EFCAB13: variants seen among roughly 807,000 people sequenced by gnomAD.
The protein encoded by EFCAB13 is EF-hand calcium-binding domain-containing protein 13.
Under a neutral mutation model 110.2 loss-of-function variants are expected in EFCAB13, and 91 were observed. The ratio of observed to expected loss-of-function variants is 0.83; its 90% CI spans 0.70 to 0.98. The LOEUF (loss-of-function observed/expected upper bound fraction) is 0.98. Ranked by LOEUF, EFCAB13 falls within the 50% of genes least tolerant of loss-of-function variation. EFCAB13 has a pLI of 0.00. For synonymous variants in EFCAB13, 323 were observed against 369.9 expected (o/e 0.87, Z 1.45); for missense variants, 968 against 1,119.4 (o/e 0.86, Z 1.93).
In EFCAB13 at chr17:47,370,764, G is replaced by A. The variant is rs867574309; in HGVS notation, c.877+256G>A. On this transcript the variant is annotated intron_variant, in intron 11 of 24. Coordinates refer to ENST00000331493, the MANE Select transcript of EFCAB13 (RefSeq NM_152347.5). ...TTTTTTTTTTTTTTTTTTTTGAGGC[G>A]GAGTTTTGCTCTTGTTGCCCAGGCT... is the stretch of plus-strand genomic sequence containing the variant. Among the ~76,000 whole-genome samples the A allele has an allele frequency of 1.1e-3, 151 of 143,030 alleles. No individual in the cohort carries two copies. In the Middle Eastern group the frequency reaches 0.023, roughly 21 times the overall value. The allele number at this position is 143,030 out of a possible 152,430, so 93.8% of individuals were successfully genotyped here.
At chr17:47,338,391 A>G (rs550854903) in intron 5 of EFCAB13, among the ~76,000 whole-genome samples, 1 of 152,074 alleles carries the variant, frequency 6.6e-6, no homozygotes, top group South Asian at 2.1e-4. Flanking sequence ...CTAGGATTGC[A>G]GGTGTGCACC....
At chr17:47,364,263 T>G (rs2065533109) in intron 10 of EFCAB13, among the ~76,000 whole-genome samples, 1 of 152,180 alleles carries the variant, frequency 6.6e-6, no homozygotes, top group African/African-American at 2.4e-5. Flanking sequence ...TAGATACATC[T>G]TTTTAAAAAC....
chr17:47,359,592 G>T (rs890685982), intron 9 of EFCAB13, among the ~76,000 whole-genome samples: 2 of 145,532 alleles, frequency 1.4e-5, no homozygotes, highest in Non-Finnish European at 3.0e-5. Context: ...AGTTGGACAC[G>T]GCTTTCAATC....
At chr17:47,387,513 A>G (rs996114478) in intron 14 of EFCAB13, among the ~76,000 whole-genome samples, 9 of 152,132 alleles carry the variant, frequency 5.9e-5, no homozygotes, top group Non-Finnish European at 1.5e-5. Flanking sequence ...CATATTTATA[A>G]TTGTTATATC....
At position 47,323,992 on chromosome 17, in the gene EFCAB13, A is replaced by C. The variant is rs1245257967; in HGVS notation, c.-400A>C. On this transcript the variant is annotated 5_prime_UTR_variant, in exon 1 of 25. Transcript: ENST00000331493. ...CCTGGGAAGGCTGCAGAGCTAGAGC[A>C]GCGCCGCCCGAGGGGCGGCAGGGGC... 1 of 152,262 alleles carries C rather than the reference A, an allele frequency of 6.6e-6. No individual in the cohort carries two copies. Among genetic ancestry groups the C allele is most frequent in the African/African-American group, 2.4e-5 (1 of 41,382 alleles). The allele number at this position is 152,262 out of a possible 1,614,324, so 9.4% of individuals were successfully genotyped here.
chr17:47,337,951 A>C (rs552723828), intron 5 of EFCAB13, among the ~76,000 whole-genome samples: 1 of 152,328 alleles, frequency 6.6e-6, no homozygotes, highest in African/African-American at 2.4e-5. Context: ...ATAATTGCTT[A>C]GCTCAAGGGG....
intron 24 of EFCAB13, among the ~76,000 whole-genome samples, chr17:47,435,521 T>TTTTTTG (rs1180443604): frequency 3.3e-5 from 5 of 152,052 alleles, no homozygotes; most frequent in African/African-American, 9.7e-5. Context: ...TTCCTAAGAT[T>TTTTTTG]TTTTTGTTTT....
chr17:47,374,983 G>A lies in EFCAB13; in HGVS notation c.1372+17G>A. 1.3e-6 allele frequency: 2 copies of A among 1,529,778 alleles called. No individual in the cohort carries two copies. The highest frequency in any genetic ancestry group is 2.3e-5 in the East Asian group (1 of 43,808). The allele number at this position is 1,529,778 out of a possible 1,614,324, so 94.8% of individuals were successfully genotyped here. A position where few individuals can be genotyped will look rare whatever the true frequency, so the allele number is the denominator to read the frequency against. On this transcript the variant is annotated intron_variant, in intron 12 of 24. Transcript: ENST00000331493. ...GTACTCTGGGTAAGTAAAAATCTAG[G>A]TTCTTGAGTTCTTCAGTCATCACAG... is the stretch of plus-strand genomic sequence containing the variant.
chr17:47,380,417 T>G (rs577197594), intron 14 of EFCAB13, among the ~76,000 whole-genome samples: 8 of 152,366 alleles, frequency 5.3e-5, no homozygotes, highest in African/African-American at 1.9e-4. Flanking sequence ...AACTCATTCT[T>G]TGTTATGGCT....
chr17:47,345,156 A>T, intron 8 of EFCAB13, 58 bp downstream of exon 8: 2 of 1,302,264 alleles, frequency 1.5e-6, no homozygotes, highest in South Asian at 2.6e-5. Flanking sequence ...CTTTTTAGGA[A>T]TTGTTTCAGC....
rs1236503325 is a variant in EFCAB13 at position 47,379,179 on chromosome 17, CAG to C, written c.1512_1513del. The C allele has an allele frequency of 8.7e-6, 14 of 1,610,600 alleles. No homozygotes were observed. In the East Asian group the frequency reaches 2.7e-4, roughly 31 times the overall value. On this transcript the variant is annotated splice_acceptor_variant, in intron 13 of 24. Coordinates refer to ENST00000331493, the MANE Select transcript of EFCAB13 (RefSeq NM_152347.5). LOFTEE classifies it high-confidence loss of function. ...GTATAATCTAAACTCTTTTTAAAAA[CAG>C]AGAATGGAATGGTGGAGTTAGATGA...
chr17:47,328,760 A>C (rs972780249), intron 4 of EFCAB13: 1 of 170,484 alleles, frequency 5.9e-6, no homozygotes, highest in African/African-American at 2.4e-5. Flanking sequence ...TCTTATCTGT[A>C]CTTCAGAGTT....
At chr17:47,346,213 A>G (rs979318171) in intron 8 of EFCAB13, among the ~76,000 whole-genome samples, 9 of 151,948 alleles carry the variant, frequency 5.9e-5, no homozygotes, top group African/African-American at 2.2e-4. Flanking sequence ...ATTTCCTCAT[A>G]CCCCCTGCTC....
chr17:47,362,919 G>A (rs1266570647), intron 10 of EFCAB13, among the ~76,000 whole-genome samples: 1 of 151,996 alleles, frequency 6.6e-6, no homozygotes, highest in East Asian at 1.9e-4. Flanking sequence ...CTGGCATTCG[G>A]GGCCACTACC....
chr17:47,362,373 G>A (rs2065519239), intron 10 of EFCAB13, among the ~76,000 whole-genome samples: 1 of 152,156 alleles, frequency 6.6e-6, no homozygotes, highest in South Asian at 2.1e-4. Context: ...GGCCACCAGA[G>A]GGCTCCTTGG....
chr17:47,406,245 TG>T (rs920060601), intron 20 of EFCAB13, among the ~76,000 whole-genome samples: 1 of 152,142 alleles, frequency 6.6e-6, no homozygotes, highest in African/African-American at 2.4e-5. Flanking sequence ...CTTGAGTAGC[TG>T]GGATTCAGGT....
chr17:47,392,154 T>C (rs2065711808), intron 15 of EFCAB13, among the ~76,000 whole-genome samples: 1 of 152,160 alleles, frequency 6.6e-6, no homozygotes, highest in African/African-American at 2.4e-5. Flanking sequence ...CTATTTTGTG[T>C]ATATTTAACA....
At chr17:47,424,464 G>C (rs1293639636) in intron 23 of EFCAB13, among the ~76,000 whole-genome samples, 2 of 152,220 alleles carry the variant, frequency 1.3e-5, no homozygotes, top group Non-Finnish European at 2.9e-5. Context: ...AAACAAAATA[G>C]CAGAGGAACC....
At chr17:47,366,607 T>A (rs2065547800) in intron 10 of EFCAB13, among the ~76,000 whole-genome samples, 1 of 152,162 alleles carries the variant, frequency 6.6e-6, no homozygotes, top group Non-Finnish European at 1.5e-5. Flanking sequence ...TGAGCTCCCT[T>A]TAGGAAATAA....
Sources: gnomAD v4.1 joint callset for allele counts (sites outside exome capture counted in the v4.1 genomes callset) on GRCh38, gnomAD v4.1.1 for gene constraint, MANE v1.5 for transcripts, NCBI Gene and HGNC (gene_info 2026-07-23, HGNC 2026-07-21) for gene names.